The following THSD7B variants were observed in gnomAD, a reference collection of about 807,000 sequenced individuals.
The protein encoded by THSD7B is thrombospondin type-1 domain-containing protein 7B.
A neutral mutation model predicts 213.6 loss-of-function variants in THSD7B; 138 were observed. The observed-to-expected ratio is 0.65, with a 90% confidence interval of 0.56 to 0.74. THSD7B has a LOEUF of 0.74. Ranked by LOEUF, THSD7B falls within the 30% of genes least tolerant of loss-of-function variation. THSD7B has a pLI of 0.00. For synonymous variants in THSD7B, 742 were observed against 687.0 expected (o/e 1.08, Z -1.25); for missense variants, 1,931 against 1,991.5 (o/e 0.97, Z 0.58).
chr2:137,052,998 AAGG>A (rs1573791052), intron 2 of THSD7B, among the ~76,000 whole-genome samples: 1 of 152,248 alleles, frequency 6.6e-6, no homozygotes, highest in East Asian at 1.9e-4. Flanking sequence ...GCTTTAATAT[AAGG>A]AGGAACTATT....
At chr2:137,156,273 C>G (rs753234764) in intron 5 of THSD7B, 6 of 152,136 alleles carry the variant, frequency 3.9e-5, no homozygotes, top group Non-Finnish European at 8.8e-5. Flanking sequence ...GTGATAGAGA[C>G]AGGCTGACCC....
At chr2:137,301,700 T>C (rs2104846861) in intron 12 of THSD7B, among the ~76,000 whole-genome samples, 1 of 152,240 alleles carries the variant, frequency 6.6e-6, no homozygotes, top group Middle Eastern at 3.4e-3. Flanking sequence ...GAGCAAATGA[T>C]GCTTATGTCT....
At chr2:137,061,490 G>GT (rs34594996) in intron 3 of THSD7B, among the ~76,000 whole-genome samples, 11,597 of 143,656 alleles carry the variant, frequency 0.081, 625 homozygotes, top group African/African-American at 0.15. Flanking sequence ...TTAGCTATAG[G>GT]TTTTTTTTTT....
intron 6 of THSD7B, among the ~76,000 whole-genome samples, chr2:137,167,530 C>T (rs1320315258): frequency 6.6e-6 from 1 of 152,142 alleles, no homozygotes; most frequent in African/African-American, 2.4e-5. Context: ...TGCAGAAATA[C>T]AGCCCTCAGA....
chr2:137,667,747 T>A lies in THSD7B; in HGVS notation c.4652-27T>A, dbSNP rs1371111965. ...TGCTGCAGACTTCTGTATGCTAAGC[T>A]TCTTATGTTATCTCTATTTTAAACA... On this transcript the variant is annotated intron_variant, in intron 26 of 27. Transcript: ENST00000409968. 2.5e-6 allele frequency: 4 copies of A among 1,571,154 alleles called. No individual in the cohort carries two copies. In the South Asian group the frequency reaches 4.6e-5, roughly 18 times the overall value.
intron 12 of THSD7B, among the ~76,000 whole-genome samples, chr2:137,315,003 G>T (rs2104868822): frequency 6.6e-6 from 1 of 152,374 alleles, no homozygotes; most frequent in African/African-American, 2.4e-5. Context: ...TACAGAGGCA[G>T]GCAGGCCTCC....
At chr2:137,325,468 C>A (rs1684349195) in intron 12 of THSD7B, among the ~76,000 whole-genome samples, 1 of 152,084 alleles carries the variant, frequency 6.6e-6, no homozygotes, top group South Asian at 2.1e-4. Flanking sequence ...GTATTGGTTG[C>A]CTGACCGTGG....
intron 1 of THSD7B, among the ~76,000 whole-genome samples, chr2:136,766,450 C>G (rs1310201506): frequency 2.6e-5 from 4 of 152,100 alleles, no homozygotes; most frequent in Non-Finnish European, 4.4e-5. Flanking sequence ...CATCGCCCAT[C>G]TGCACCTGTC....
rs181193535 is a variant in THSD7B at position 136,936,945 on chromosome 2, T to C, written c.139+54628T>C. Among the ~76,000 whole-genome samples the C allele has an allele frequency of 5.8e-4, 89 of 152,288 alleles. No homozygotes were observed. The East Asian group carries it at 0.016, about 28-fold the overall frequency. ...AACCCAGTCATGTCTCTTCCCCTTTTTAATGACTTAATGTAAAAATAAAAA... is the reference window on the plus strand; with the variant it reads ...AACCCAGTCATGTCTCTTCCCCTTTCTAATGACTTAATGTAAAAATAAAAA... On this transcript the variant is annotated intron_variant, in intron 2 of 27. Coordinates refer to ENST00000409968, the MANE Select transcript of THSD7B (RefSeq NM_001316349.2).
chr2:137,081,124 T>C (rs566873787), intron 3 of THSD7B, among the ~76,000 whole-genome samples: 1 of 152,280 alleles, frequency 6.6e-6, no homozygotes, highest in Non-Finnish European at 1.5e-5. Flanking sequence ...CCTGAGAACT[T>C]GAGAATGTCT....
At chr2:137,519,611 C>A (rs1269365299) in intron 15 of THSD7B, among the ~76,000 whole-genome samples, 1 of 152,140 alleles carries the variant, frequency 6.6e-6, no homozygotes, top group Non-Finnish European at 1.5e-5. Flanking sequence ...AACTTGCTAG[C>A]CAGAAAAGCT....
chr2:137,325,821 C>A (rs569889394), intron 12 of THSD7B, among the ~76,000 whole-genome samples: 22 of 152,318 alleles, frequency 1.4e-4, no homozygotes, highest in African/African-American at 5.1e-4. Context: ...GTGTCTGCTT[C>A]GCAGTGCTTC....
chr2:137,337,606 T>C (rs932094832), intron 12 of THSD7B, among the ~76,000 whole-genome samples: 1 of 152,144 alleles, frequency 6.6e-6, no homozygotes, highest in Non-Finnish European at 1.5e-5. Context: ...GCATCCTGTT[T>C]CTTATCATTC....
At chr2:137,659,543 A>G in intron 24 of THSD7B, 121 bp from the exon 25 acceptor site, 1 of 865,878 alleles carries the variant, frequency 1.2e-6, no homozygotes, top group Admixed American at 3.0e-5. Flanking sequence ...TGGCAAATAG[A>G]TTTTTCAAAA....
At chr2:136,787,302 A>G (rs1681878543) in intron 1 of THSD7B, among the ~76,000 whole-genome samples, 1 of 151,676 alleles carries the variant, frequency 6.6e-6, no homozygotes. Flanking sequence ...TATACTTTTG[A>G]TTAAGTACCC....
chr2:137,534,943 T>C (rs909293003), intron 15 of THSD7B, among the ~76,000 whole-genome samples: 1 of 151,842 alleles, frequency 6.6e-6, no homozygotes, highest in African/African-American at 2.4e-5. Context: ...CTCCTATAAT[T>C]GAAACTTGAT....
chr2:136,768,568 T>C (rs10496756), intron 1 of THSD7B, among the ~76,000 whole-genome samples: 4,897 of 152,266 alleles, frequency 0.032, 213 homozygotes, highest in East Asian at 0.22. Context: ...ATTAAATACA[T>C]GATTAAGACA....
chr2:137,177,526 T>C (rs112631961), intron 7 of THSD7B, among the ~76,000 whole-genome samples: 1,680 of 152,302 alleles, frequency 0.011, 37 homozygotes, highest in African/African-American at 0.038. Flanking sequence ...AATCACCTGG[T>C]GGGCTTGTAA....
chr2:137,249,798 ACAT>A (rs1234964364), intron 10 of THSD7B, among the ~76,000 whole-genome samples: 1 of 152,232 alleles, frequency 6.6e-6, no homozygotes, highest in Admixed American at 6.5e-5. Flanking sequence ...GCTACTTGCT[ACAT>A]CCATAGGCAC....
Sources: allele counts gnomAD v4.1 joint callset (sites outside exome capture counted in the v4.1 genomes callset), GRCh38; gene constraint gnomAD v4.1.1; transcripts MANE v1.5; gene names NCBI Gene and HGNC (gene_info 2026-07-23, HGNC 2026-07-21).